EXOC4: variants seen among roughly 807,000 people sequenced by gnomAD.
EXOC4 encodes exocyst complex component 4.
EXOC4 carries 71 observed loss-of-function variants against 107.2 expected under a neutral mutation model. That is an observed-to-expected ratio of 0.66 (90% CI 0.55 to 0.81). The LOEUF (loss-of-function observed/expected upper bound fraction) is 0.81. EXOC4 is among the 30% of genes least tolerant of loss of function. The probability of loss-of-function intolerance (pLI) is 0.00; values close to 1 mark genes in which losing one functional copy is unlikely to be tolerated. For synonymous variants in EXOC4, 456 were observed against 441.2 expected (o/e 1.03, Z -0.42); for missense variants, 1,108 against 1,189.6 (o/e 0.93, Z 1.01).
chr7:133,813,525 A>G (rs1433331880), intron 10 of EXOC4, among the ~76,000 whole-genome samples: 2 of 152,186 alleles, frequency 1.3e-5, no homozygotes, highest in African/African-American at 2.4e-5. Flanking sequence ...GTAGACTAGG[A>G]TGCACCTGGG....
intron 7 of EXOC4, among the ~76,000 whole-genome samples, chr7:133,420,141 C>T (rs1404826342): frequency 1.6e-5 from 2 of 127,880 alleles, no homozygotes; most frequent in Non-Finnish European, 3.2e-5. Context: ...CCACCACAGT[C>T]CCCAGAGTGT....
intron 7 of EXOC4, among the ~76,000 whole-genome samples, chr7:133,465,079 C>A (rs916796173): frequency 1.3e-5 from 2 of 151,886 alleles, no homozygotes; most frequent in Admixed American, 6.6e-5. Flanking sequence ...CTTGGCCTCA[C>A]AAAGTGTTAG....
chr7:133,742,017 G>A (rs968005518), intron 10 of EXOC4, among the ~76,000 whole-genome samples: 1 of 152,212 alleles, frequency 6.6e-6, no homozygotes, highest in East Asian at 1.9e-4. Context: ...TTGTCACGTT[G>A]TAGTGAATGT....
intron 6 of EXOC4, among the ~76,000 whole-genome samples, chr7:133,359,124 T>C (rs1213255878): frequency 1.3e-5 from 2 of 152,174 alleles, no homozygotes; most frequent in East Asian, 3.8e-4. Context: ...AGCAAGTATT[T>C]AGAGTAAACC....
At chr7:133,734,516 T>A (rs1585110843) in intron 10 of EXOC4, among the ~76,000 whole-genome samples, 2 of 151,654 alleles carry the variant, frequency 1.3e-5, no homozygotes, top group Non-Finnish European at 2.9e-5. Context: ...ATTGGAAAAA[T>A]TATATTTCGA....
intron 7 of EXOC4, among the ~76,000 whole-genome samples, chr7:133,393,642 A>G (rs949951745): frequency 3.3e-5 from 5 of 152,294 alleles, no homozygotes; most frequent in Admixed American, 6.5e-5. Flanking sequence ...AAGAGGCCCC[A>G]GAGAGCTCCC....
intron 8 of EXOC4, among the ~76,000 whole-genome samples, chr7:133,477,557 A>G (rs1799048168): frequency 6.6e-6 from 1 of 152,184 alleles, no homozygotes; most frequent in Non-Finnish European, 1.5e-5. Context: ...TACCTATTGA[A>G]GGACATCTTG....
chr7:134,052,665 T>G (rs1795824774), intron 17 of EXOC4, among the ~76,000 whole-genome samples: 1 of 152,232 alleles, frequency 6.6e-6, no homozygotes. Flanking sequence ...ATCATTTGAT[T>G]AATCTTCAAA....
Position 133,356,584 on chromosome 7 carries a change from G to A in EXOC4, c.1007+11G>A. 5.0e-6 allele frequency: 8 copies of A among 1,613,244 alleles called. No individual in the cohort carries two copies. Among genetic ancestry groups the A allele is most frequent in the Non-Finnish European group, 6.8e-6 (8 of 1,179,522 alleles). ...GGAGAACCAACCAAGGTAGGTGGGA[G>A]TGTATTTTGTATTTTTGACAACTCT... On this transcript the variant is annotated intron_variant, in intron 6 of 17. Transcript: ENST00000253861.
chr7:133,474,490 T>A (rs1798961242), intron 7 of EXOC4, among the ~76,000 whole-genome samples: 1 of 150,882 alleles, frequency 6.6e-6, no homozygotes, highest in Admixed American at 6.6e-5. Context: ...TTTTTTTTTT[T>A]AAAGTAGAGA....
At chr7:133,956,753 G>A (rs1048298272) in intron 14 of EXOC4, among the ~76,000 whole-genome samples, 2 of 152,206 alleles carry the variant, frequency 1.3e-5, no homozygotes, top group African/African-American at 4.8e-5. Context: ...CTATCAGTCA[G>A]TGTAAGCTAT....
chr7:133,350,968 T>C (rs1387915914), intron 5 of EXOC4, among the ~76,000 whole-genome samples: 3 of 152,024 alleles, frequency 2.0e-5, no homozygotes, highest in African/African-American at 7.2e-5. Flanking sequence ...TTCATCTTTT[T>C]CGTTAATTCC....
Position 133,305,804 on chromosome 7 carries a change from C to T in EXOC4, c.472-73C>T, listed in dbSNP as rs10229047. On this transcript the variant is annotated intron_variant, in intron 3 of 17. Coordinates refer to ENST00000253861, the MANE Select transcript of EXOC4 (RefSeq NM_021807.4). ...TCCCTTTGTTAGTATCTTTTTAAGACGTCTTTCTTATTTATAATATTGCCA... is the reference window on the plus strand; with the variant it reads ...TCCCTTTGTTAGTATCTTTTTAAGATGTCTTTCTTATTTATAATATTGCCA... The T allele has an allele frequency of 2.0e-4, 255 of 1,293,722 alleles. 1 individual carries two copies. In the African/African-American group the frequency reaches 2.9e-3, roughly 15 times the overall value. 80.1% of individuals were successfully genotyped at this position (1,293,722 alleles called of 1,614,324 possible). A position where few individuals can be genotyped will look rare whatever the true frequency, so the allele number is the denominator to read the frequency against.
Position 133,618,952 on chromosome 7 carries a change from G to T in EXOC4, c.1418-11093G>T, listed in dbSNP as rs545742782. On this transcript the variant is annotated intron_variant, in intron 9 of 17. Transcript: ENST00000253861. ...TAATTTTGAGTATTGATCTCGTCAT[G>T]GCTCATATTTTGCTGGCTTGGAAGA... 2.0e-5 allele frequency among the ~76,000 whole-genome samples: 3 copies of T among 152,098 alleles called. No homozygotes were observed. In the South Asian group the frequency reaches 6.2e-4, roughly 32 times the overall value.
At chr7:133,825,284 A>G (rs1797675055) in intron 11 of EXOC4, among the ~76,000 whole-genome samples, 1 of 152,044 alleles carries the variant, frequency 6.6e-6, no homozygotes, top group East Asian at 1.9e-4. Flanking sequence ...TGGATCACTT[A>G]AGCTCAGGAG....
chr7:134,036,051 T>A (rs1795380340), intron 17 of EXOC4, among the ~76,000 whole-genome samples: 1 of 152,216 alleles, frequency 6.6e-6, no homozygotes, highest in Non-Finnish European at 1.5e-5. Flanking sequence ...GCAATTTGTA[T>A]CTCAGCATGA....
At chr7:133,975,287 G>A (rs575365204) in intron 14 of EXOC4, among the ~76,000 whole-genome samples, 1 of 152,208 alleles carries the variant, frequency 6.6e-6, no homozygotes, top group African/African-American at 2.4e-5. Flanking sequence ...GGATAGTAGG[G>A]ATGGTTTCAA....
chr7:134,093,971 T>A, the EXOC4 span, among the ~76,000 whole-genome samples: 6 of 152,086 alleles, frequency 3.9e-5, no homozygotes, highest in Non-Finnish European at 8.8e-5. Flanking sequence ...CAAAAAGTTA[T>A]AAAGATCTCA....
At position 133,317,351 on chromosome 7, in the gene EXOC4, C is replaced by A. The variant is rs770179415; in HGVS notation, c.724C>A (p.Leu242Ile). 2.5e-6 allele frequency: 4 copies of A among 1,612,820 alleles called. No individual in the cohort carries two copies. The South Asian group carries it at 4.4e-5, about 18-fold the overall frequency. Residue 242 changes from leucine to isoleucine, a missense_variant, in exon 5 of 18, where the codon CTT (leucine) becomes ATT (isoleucine). Leu to Ile is a conservative substitution (Grantham distance 5). Coordinates refer to ENST00000253861, the MANE Select transcript of EXOC4 (RefSeq NM_021807.4). The part of the protein sequence containing the change: ...VTNLPTPRKF[L>I]DTSHYSTAGS... ...AAACCTCCCTACTCCTCGAAAATTCCTTGATACCTCTCACTATTCTACTGC... is the reference window on the plus strand; with the variant it reads ...AAACCTCCCTACTCCTCGAAAATTCATTGATACCTCTCACTATTCTACTGC...
Sources: allele counts gnomAD v4.1 joint callset (sites outside exome capture counted in the v4.1 genomes callset), GRCh38; gene constraint gnomAD v4.1.1; transcripts MANE v1.5; gene names NCBI Gene and HGNC (gene_info 2026-07-23, HGNC 2026-07-21).